The following AOX1 variants were observed in gnomAD, a reference collection of about 807,000 sequenced individuals.
AOX1 encodes the protein aldehyde oxidase 1.
A neutral mutation model predicts 169.5 loss-of-function variants in AOX1; 153 were observed. The observed-to-expected ratio is 0.90, with a 90% confidence interval of 0.79 to 1.03. The LOEUF is 1.03. Among genes scored for constraint, AOX1 ranks in the 50% least tolerant of loss-of-function variants. The pLI is 0.00. For missense variants in AOX1, 1,656 were observed against 1,663.9 expected (o/e 1.00, Z 0.08); for synonymous variants, 562 against 581.9 (o/e 0.97, Z 0.49).
At chr2:200,648,819 G>C (rs1441995259) in intron 25 of AOX1, among the ~76,000 whole-genome samples, 2 of 152,074 alleles carry the variant, frequency 1.3e-5, no homozygotes, top group African/African-American at 4.8e-5. Context: ...GTGTACCTAG[G>C]AGGATTATGG....
rs770674125 is a variant in AOX1 at position 200,627,420 on chromosome 2, C to G, written c.2192C>G (p.Ala731Gly). 3.2e-5 allele frequency: 51 copies of G among 1,613,452 alleles called. No individual in the cohort carries two copies. The East Asian group carries it at 5.6e-4, about 18-fold the overall frequency. Reference protein sequence around the residue: ...RKLEYGNVDEAFKVVDQILEG... With the variant: ...RKLEYGNVDEGFKVVDQILEG... ...CTGGAATATGGAAATGTTGACGAAG[C>G]ATTTAAAGTGGTTGATCAAATTCTT... The change falls in exon 20 of 35, where the codon GCA becomes GGA. Residue 731 changes from alanine (A) to glycine (G), a missense_variant. Ala to Gly is a moderately conservative substitution (Grantham distance 60). Transcript: ENST00000374700.
intron 19 of AOX1, among the ~76,000 whole-genome samples, chr2:200,624,439 G>C (rs76769365): frequency 0.011 from 1,744 of 152,228 alleles, 12 homozygotes; most frequent in Middle Eastern, 0.024. Flanking sequence ...GGCTATGTAG[G>C]GGAGTGTAGG....
At chr2:200,654,721 T>C (rs2035648900) in intron 26 of AOX1, among the ~76,000 whole-genome samples, 1 of 152,330 alleles carries the variant, frequency 6.6e-6, no homozygotes. Context: ...ACCAGTAGTA[T>C]TTGTTTGAAG....
In AOX1 at chr2:200,627,251, G is replaced by A. The variant is rs2035024602; in HGVS notation, c.2125-102G>A. On this transcript the variant is annotated intron_variant, in intron 19 of 34. Transcript: ENST00000374700. The stretch of plus-strand genomic sequence containing the variant: ...AAGTGCACGGAACCACAAGGTGAAG[G>A]GAGAAACAACCCCTGCTCAGAGGAT... The A allele has an allele frequency of 8.0e-6, 6 of 753,162 alleles. No individual in the cohort carries two copies. In the East Asian group the frequency reaches 1.5e-4, roughly 19 times the overall value. The allele number at this position is 753,162 out of a possible 1,614,324, so 46.7% of individuals were successfully genotyped here. A position where few individuals can be genotyped will look rare whatever the true frequency, so the allele number is the denominator to read the frequency against.
chr2:200,630,950 C>T (rs1277615259), intron 20 of AOX1, among the ~76,000 whole-genome samples: 3 of 151,930 alleles, frequency 2.0e-5, no homozygotes, highest in Non-Finnish European at 4.4e-5. Context: ...CCATGGCACA[C>T]GTTTACCTAT....
At chr2:200,630,528 ATGGATGGATGGAAGGAAGGG>A (rs2035096082) in intron 20 of AOX1, among the ~76,000 whole-genome samples, 1 of 143,228 alleles carries the variant, frequency 7.0e-6, no homozygotes. Flanking sequence ...AAAAAAAAAG[ATGGATGGATGGAAGGAAGGG>A]AGGAAGGAAG....
rs1355445789 is a variant in AOX1 at position 200,623,974 on chromosome 2, A to C, written c.2115A>C (p.Leu705=). The C allele has an allele frequency of 6.2e-7, 1 of 1,614,062 alleles. No individual in the cohort carries two copies. Among genetic ancestry groups the C allele is most frequent in the East Asian group, 2.2e-5 (1 of 44,880 alleles). The change falls in exon 19 of 35, where the codon CTA becomes CTC. Residue 705 remains leucine, a synonymous_variant. Transcript: ENST00000374700. ...ATCAAGACTTGGAGCCGCTGATACTAACAATTGAGGTAATGAGTTCTGTGG... is the reference window on the plus strand; with the variant it reads ...ATCAAGACTTGGAGCCGCTGATACTCACAATTGAGGTAATGAGTTCTGTGG... The part of the protein sequence containing the change: ...IVYQDLEPLI[L]TIEESIQHNS...
intron 22 of AOX1, among the ~76,000 whole-genome samples, chr2:200,637,502 C>A (rs948809528): frequency 6.6e-6 from 1 of 151,808 alleles, no homozygotes; most frequent in South Asian, 2.1e-4. Flanking sequence ...TATGTACATT[C>A]TTCAATATAT....
At position 200,623,934 on chromosome 2, in the gene AOX1, G is replaced by A. The variant is rs1424482029; in HGVS notation, c.2075G>A (p.Arg692Gln). The A allele has an allele frequency of 5.0e-6, 8 of 1,614,036 alleles. No homozygotes were observed. The highest frequency in any genetic ancestry group is 2.7e-5 in the African/African-American group (2 of 74,932). The change falls in exon 19 of 35, where the codon CGA (arginine) becomes CAA (glutamine). Residue 692 changes from arginine (R) to glutamine (Q), a missense_variant. Arg to Gln is a conservative substitution (Grantham distance 43). Coordinates refer to ENST00000374700, the MANE Select transcript of AOX1 (RefSeq NM_001159.4). ...GTTCAGGCAAAGCGAGCTGCTAAGCGAGTGAAGATTGTCTATCAAGACTTG... is the reference window on the plus strand; with the variant it reads ...GTTCAGGCAAAGCGAGCTGCTAAGCAAGTGAAGATTGTCTATCAAGACTTG... ...SEVQAKRAAK[R>Q]VKIVYQDLEP...
intron 31 of AOX1, among the ~76,000 whole-genome samples, chr2:200,663,545 AACACACACACACACAC>A (rs530782102): frequency 8.5e-6 from 1 of 117,710 alleles, no homozygotes; most frequent in African/African-American, 2.9e-5. Flanking sequence ...CATACACACA[AACACACACACACACAC>A]ACACACACAC....
At chr2:200,593,659 C>CT (rs1190114031) in intron 2 of AOX1, among the ~76,000 whole-genome samples, 18 of 152,172 alleles carry the variant, frequency 1.2e-4, no homozygotes, top group African/African-American at 3.6e-4. Context: ...GTATTTTTAG[C>CT]TTGCTATGCA....
chr2:200,607,310 C>G (rs557077931), intron 10 of AOX1, among the ~76,000 whole-genome samples: 1 of 152,156 alleles, frequency 6.6e-6, no homozygotes, highest in Non-Finnish European at 1.5e-5. Context: ...ATTGAACCAG[C>G]CTTGCATCCC....
At chr2:200,670,011 T>C (rs1283957888) in intron 34 of AOX1, among the ~76,000 whole-genome samples, 2 of 152,066 alleles carry the variant, frequency 1.3e-5, no homozygotes, top group Admixed American at 6.6e-5. Context: ...TATGTTCCTC[T>C]CCTGTTTTGC....
chr2:200,676,491 T>G (rs2036098764), downstream of AOX1, among the ~76,000 whole-genome samples: 1 of 151,734 alleles, frequency 6.6e-6, no homozygotes, highest in Admixed American at 6.6e-5. Context: ...TCCCAGCTAC[T>G]TGGGAGGCTG....
chr2:200,681,190 T>G (rs1325008886), downstream of AOX1, among the ~76,000 whole-genome samples: 2 of 152,220 alleles, frequency 1.3e-5, no homozygotes, highest in Non-Finnish European at 2.9e-5. Context: ...TGGAGTTTTT[T>G]TCCAGAAAGC....
At chr2:200,676,599 CAAAAAAAAA>C (rs58206033) in intron 4 of AOX1, among the ~76,000 whole-genome samples, 1 of 98,066 alleles carries the variant, frequency 1.0e-5, no homozygotes, top group Non-Finnish European at 2.1e-5. Context: ...GACTACATCT[CAAAAAAAAA>C]AAAAAAAAGA....
At chr2:200,589,772 G>A (rs1240946933) in intron 1 of AOX1, among the ~76,000 whole-genome samples, 3 of 152,202 alleles carry the variant, frequency 2.0e-5, no homozygotes, top group Admixed American at 6.5e-5. Context: ...TTTGCACAAT[G>A]AGCATAGACT....
intron 5 of AOX1, among the ~76,000 whole-genome samples, chr2:200,600,025 T>C (rs2034376494): frequency 1.3e-5 from 2 of 152,196 alleles, no homozygotes; most frequent in African/African-American, 4.8e-5. Context: ...ATTATCTCAT[T>C]TGATCCTCAC....
intron 13 of AOX1, 70 bp from the exon 14 acceptor site, chr2:200,612,539 A>T: frequency 6.6e-7 from 1 of 1,504,146 alleles, no homozygotes; most frequent in Non-Finnish European, 9.1e-7. Context: ...GATACTCAAG[A>T]CACACAGACT....
Sources: allele counts gnomAD v4.1 joint callset (sites outside exome capture counted in the v4.1 genomes callset), GRCh38; gene constraint gnomAD v4.1.1; transcripts MANE v1.5; gene names NCBI Gene and HGNC (gene_info 2026-07-23, HGNC 2026-07-21).